SPHKAP: variants seen among roughly 807,000 people sequenced by gnomAD.
SPHKAP encodes the protein SPHK1 interactor, AKAP domain containing.
SPHKAP carries 67 observed loss-of-function variants against 137.5 expected under a neutral mutation model. That is an observed-to-expected ratio of 0.49 (90% CI 0.40 to 0.60). The LOEUF is 0.60. Ranked by LOEUF, SPHKAP falls within the 20% of genes least tolerant of loss-of-function variation. The pLI is 0.00. For missense variants in SPHKAP, 2,097 were observed against 2,069.3 expected (o/e 1.01, Z -0.26); for synonymous variants, 813 against 785.3 (o/e 1.04, Z -0.59).
At position 228,021,923 on chromosome 2, in the gene SPHKAP, C is replaced by T. The variant is rs1222721024; in HGVS notation, c.485G>A (p.Gly162Glu). Residue 162 changes from glycine to glutamate, a missense_variant, in exon 6 of 12, where the codon GGG becomes GAG. Transcript: ENST00000392056. ...PDICLVQCAR[G>E]NRPNSTNCII... ...GCAGTTGGTACTGTTTGGTCTGTTCCCTCTTGCACATTGGACCAAGCAGAT... is the reference window on the plus strand; with the variant it reads ...GCAGTTGGTACTGTTTGGTCTGTTCTCTCTTGCACATTGGACCAAGCAGAT... The T allele has an allele frequency of 6.2e-7, 1 of 1,612,804 alleles. No homozygotes were observed. The highest frequency in any genetic ancestry group is 1.3e-5 in the African/African-American group (1 of 74,820).
At chr2:227,994,595 TTCTTG>T (rs1693549873) in intron 8 of SPHKAP, among the ~76,000 whole-genome samples, 1 of 152,176 alleles carries the variant, frequency 6.6e-6, no homozygotes, top group Non-Finnish European at 1.5e-5. Context: ...CGAATTTAAA[TTCTTG>T]TCTTAGCTTT....
chr2:228,016,903 G>A lies in SPHKAP; in HGVS notation c.3951C>T (p.Leu1317=). Residue 1317 remains leucine (L), a synonymous_variant, in exon 7 of 12, where the codon CTC becomes CTT. Transcript: ENST00000392056. The stretch of plus-strand genomic sequence containing the variant: ...CCACAATGATTTTGTTCTTGCGCAT[G>A]AGAGCCTCAATGGAGCTAGCCCACG... The part of the protein sequence containing the change: ...HETWASSIEA[L]MRKNKIIVDD... 6.2e-7 allele frequency: 1 copy of A among 1,614,110 alleles called. No individual in the cohort carries two copies. Among genetic ancestry groups the A allele is most frequent in the Non-Finnish European group, 8.5e-7 (1 of 1,180,016 alleles).
rs566358679 is a variant in SPHKAP, at chr2:228,038,585, G to A, written c.247-11042C>T. On this transcript the variant is annotated intron_variant, in intron 3 of 11. Transcript: ENST00000392056. ...TGCCTGCATGAGCAAATCCAAATATGCCAAATGACCTAGGAAAGGATTTTT... is the reference window on the plus strand; with the variant it reads ...TGCCTGCATGAGCAAATCCAAATATACCAAATGACCTAGGAAAGGATTTTT... Among the ~76,000 whole-genome samples the A allele has an allele frequency of 2.6e-5, 4 of 152,274 alleles. 1 individual carries two copies. The South Asian group carries it at 8.3e-4, about 32-fold the overall frequency.
intron 3 of SPHKAP, among the ~76,000 whole-genome samples, chr2:228,076,989 C>T (rs567665148): frequency 6.6e-6 from 1 of 152,298 alleles, no homozygotes; most frequent in Admixed American, 6.5e-5. Context: ...TGGTGCCCTG[C>T]ATCCCAGCTG....
intron 1 of SPHKAP, chr2:228,132,560 G>A (rs563513301): frequency 2.2e-6 from 2 of 901,002 alleles, no homozygotes; most frequent in Admixed American, 1.2e-4. Flanking sequence ...GAAAATGCAG[G>A]TAATGTCTTT....
In SPHKAP at chr2:227,995,566, T is replaced by C. The variant is rs200610993; in HGVS notation, c.4577A>G (p.Glu1526Gly). The C allele has an allele frequency of 5.0e-6, 8 of 1,614,018 alleles. No individual in the cohort carries two copies. In the East Asian group the frequency reaches 6.7e-5, roughly 13 times the overall value. The change falls in exon 8 of 12, where the codon GAG becomes GGG. Residue 1526 changes from glutamate (E) to glycine (G), a missense_variant. Glu to Gly is a moderately conservative substitution (Grantham distance 98). Coordinates refer to ENST00000392056, the MANE Select transcript of SPHKAP (RefSeq NM_001142644.2). ...STGSWTQLAN[E>G]EDNPDDTSSF... is the part of the protein sequence containing the mutation. ...ACTTGTGTCATCTGGGTTGTCTTCC[T>C]CATTGGCAAGCTGGGTCCAGCTGCC...
rs748061692 is a variant in SPHKAP at position 228,025,343 on chromosome 2, T to C, written c.441+51A>G. 2.5e-6 allele frequency: 4 copies of C among 1,601,682 alleles called. No homozygotes were observed. In the East Asian group the frequency reaches 8.9e-5, roughly 36 times the overall value. On this transcript the variant is annotated intron_variant, in intron 5 of 11. Coordinates refer to ENST00000392056, the MANE Select transcript of SPHKAP (RefSeq NM_001142644.2). Reference sequence around the variant, plus strand: ...GTTTGGGGTTTACACTGATCTGTGCTGAGCTAACTATAGATGTAAGTAAAT... The same window carrying C: ...GTTTGGGGTTTACACTGATCTGTGCCGAGCTAACTATAGATGTAAGTAAAT...
chr2:228,168,053 C>A (rs946676830), intron 1 of SPHKAP, among the ~76,000 whole-genome samples: 7 of 151,956 alleles, frequency 4.6e-5, no homozygotes, highest in Middle Eastern at 3.3e-3. Context: ...TCTAACAAAA[C>A]TTTAGCATTC....
At chr2:228,083,301 C>T (rs1559164038) in intron 3 of SPHKAP, among the ~76,000 whole-genome samples, 1 of 152,228 alleles carries the variant, frequency 6.6e-6, no homozygotes, top group Non-Finnish European at 1.5e-5. Flanking sequence ...TATATTCCCA[C>T]CAACAGTGTA....
At chr2:227,985,053 C>A (rs925994425) in intron 11 of SPHKAP, among the ~76,000 whole-genome samples, 23 of 152,270 alleles carry the variant, frequency 1.5e-4, no homozygotes, top group Admixed American at 1.2e-3. Flanking sequence ...CTGCCTCATA[C>A]CTTTCTGGAA....
rs138155458 is a variant in SPHKAP, at chr2:228,055,483, A to C, written c.247-27940T>G. Among the ~76,000 whole-genome samples the C allele has an allele frequency of 4.6e-4, 70 of 152,270 alleles. 1 individual carries two copies. The East Asian group carries it at 0.012, about 26-fold the overall frequency. ...TTACTTCCCTTATATCTGTAGAGGA[A>C]GCCCTAAGCAATGAAGTGTCTGGTG... is the stretch of plus-strand genomic sequence containing the variant. On this transcript the variant is annotated intron_variant, in intron 3 of 11. Transcript: ENST00000392056.
chr2:228,177,263 G>T (rs1193818519), intron 1 of SPHKAP, among the ~76,000 whole-genome samples: 1 of 151,180 alleles, frequency 6.6e-6, no homozygotes, highest in African/African-American at 2.4e-5. Flanking sequence ...CCACAACCCA[G>T]CAACAACGTG....
chr2:228,047,523 A>G (rs1696110548), intron 3 of SPHKAP, among the ~76,000 whole-genome samples: 1 of 152,164 alleles, frequency 6.6e-6, no homozygotes, highest in African/African-American at 2.4e-5. Flanking sequence ...TTATCTGTAA[A>G]GAAACTGAAT....
chr2:228,031,374 C>T (rs548345067), intron 3 of SPHKAP, among the ~76,000 whole-genome samples: 131 of 152,302 alleles, frequency 8.6e-4, no homozygotes, highest in African/African-American at 2.8e-3. Flanking sequence ...CCAGGAAGCT[C>T]GATCTGGGTG....
At chr2:228,010,902 T>A (rs1327010285) in intron 7 of SPHKAP, among the ~76,000 whole-genome samples, 1 of 152,192 alleles carries the variant, frequency 6.6e-6, no homozygotes, top group African/African-American at 2.4e-5. Flanking sequence ...TGCCTCTTCA[T>A]GTTTGTGCTG....
intron 3 of SPHKAP, among the ~76,000 whole-genome samples, chr2:228,102,236 A>G (rs1172917093): frequency 7.1e-6 from 1 of 139,992 alleles, no homozygotes; most frequent in Admixed American, 7.6e-5. Flanking sequence ...TGTCAAATAC[A>G]TTGCTTACCT....
chr2:228,149,086 G>C (rs923961839), intron 1 of SPHKAP, among the ~76,000 whole-genome samples: 1 of 152,078 alleles, frequency 6.6e-6, no homozygotes, highest in African/African-American at 2.4e-5. Context: ...CTTCCAATTT[G>C]TTTTATGAAT....
At chr2:228,053,015 A>C (rs1696312933) in intron 3 of SPHKAP, among the ~76,000 whole-genome samples, 2 of 152,158 alleles carry the variant, frequency 1.3e-5, no homozygotes, top group South Asian at 4.1e-4. Flanking sequence ...GGCTTAAGCA[A>C]TAGAAATTTA....
chr2:228,151,968 T>C (rs920131348), intron 1 of SPHKAP, among the ~76,000 whole-genome samples: 3 of 152,212 alleles, frequency 2.0e-5, no homozygotes, highest in Admixed American at 6.5e-5. Flanking sequence ...CTTTCTACTT[T>C]TCATAACAGT....
Sources: allele counts gnomAD v4.1 joint callset (sites outside exome capture counted in the v4.1 genomes callset), GRCh38; gene constraint gnomAD v4.1.1; transcripts MANE v1.5; gene names NCBI Gene and HGNC (gene_info 2026-07-23, HGNC 2026-07-21).